Variants in ESYT2 observed in about 807,000 individuals in gnomAD.
ESYT2 encodes the protein extended synaptotagmin 2.
Under a neutral mutation model 107.2 loss-of-function variants are expected in ESYT2, and 54 were observed. The ratio of observed to expected loss-of-function variants is 0.50; its 90% CI spans 0.40 to 0.63. ESYT2 has a LOEUF of 0.63. Ranked by LOEUF, ESYT2 falls within the 30% of genes least tolerant of loss-of-function variation. The probability of loss-of-function intolerance (pLI) is 0.00; values close to 1 mark genes in which losing one functional copy is unlikely to be tolerated. For synonymous variants in ESYT2, 491 were observed against 434.1 expected (o/e 1.13, Z -1.63); for missense variants, 1,020 against 1,094.5 (o/e 0.93, Z 0.96).
intron 19 of ESYT2, 66 bp downstream of exon 19, chr7:158,738,957 A>C: frequency 6.8e-7 from 1 of 1,461,120 alleles, no homozygotes; most frequent in Non-Finnish European, 9.6e-7. Flanking sequence ...GGCGGTGTCT[A>C]CATCATCCTA....
At chr7:158,758,082 C>T (rs1313078058) in intron 13 of ESYT2, among the ~76,000 whole-genome samples, 1 of 8,554 alleles carries the variant, frequency 1.2e-4, no homozygotes, top group Non-Finnish European at 1.7e-4. Flanking sequence ...TGATCAAAGG[C>T]TAAGGTAAAT....
intron 13 of ESYT2, among the ~76,000 whole-genome samples, chr7:158,753,263 G>A (rs1837639736): frequency 6.6e-6 from 1 of 152,160 alleles, no homozygotes; most frequent in South Asian, 2.1e-4. Context: ...GTCCCTCTCA[G>A]GCCAGGTCAG....
At chr7:158,754,099 G>A (rs1837672891) in intron 13 of ESYT2, among the ~76,000 whole-genome samples, 1 of 152,192 alleles carries the variant, frequency 6.6e-6, no homozygotes, top group Admixed American at 6.5e-5. Flanking sequence ...AGTGCTTCAG[G>A]CAGGTGCCCC....
intron 1 of ESYT2, among the ~76,000 whole-genome samples, chr7:158,804,559 C>A (rs1304785992): frequency 6.9e-6 from 1 of 145,622 alleles, no homozygotes; most frequent in African/African-American, 2.6e-5. Context: ...AAGGGTGAGG[C>A]GTGTGATAAA....
intron 7 of ESYT2, among the ~76,000 whole-genome samples, chr7:158,768,259 C>T (rs542986772): frequency 9.9e-5 from 15 of 152,112 alleles, no homozygotes; most frequent in Non-Finnish European, 2.2e-4. Flanking sequence ...CTCATTTCTC[C>T]GTTGTTGTAC....
At chr7:158,826,815 G>A (rs1840462506) in intron 1 of ESYT2, among the ~76,000 whole-genome samples, 1 of 29,354 alleles carries the variant, frequency 3.4e-5, no homozygotes, top group African/African-American at 1.4e-4. Flanking sequence ...GCGAGATTCC[G>A]TCTCAAAAAA....
chr7:158,819,703 T>C (rs940146157), intron 1 of ESYT2, among the ~76,000 whole-genome samples: 33 of 152,244 alleles, frequency 2.2e-4, no homozygotes, highest in African/African-American at 8.0e-4. Context: ...TCAATGAGCA[T>C]ACTTTCTTCT....
chr7:158,757,065 T>C (rs1837783459), intron 13 of ESYT2, among the ~76,000 whole-genome samples: 2 of 152,152 alleles, frequency 1.3e-5, no homozygotes, highest in South Asian at 4.1e-4. Context: ...GAGAGGTTTT[T>C]TTCAACGAGC....
intron 20 of ESYT2, among the ~76,000 whole-genome samples, 171 bp from the exon 21 acceptor site, chr7:158,735,779 A>C (rs1294995191): frequency 6.6e-6 from 1 of 152,166 alleles, no homozygotes; most frequent in Non-Finnish European, 1.5e-5. Flanking sequence ...AAGACTCAAA[A>C]ACCAACATTT....
intron 6 of ESYT2, among the ~76,000 whole-genome samples, chr7:158,781,711 A>G (rs1173763516): frequency 6.6e-6 from 1 of 151,958 alleles, no homozygotes; most frequent in Non-Finnish European, 1.5e-5. Flanking sequence ...GTGGGAGTGT[A>G]AGAACGAGAA....
intron 6 of ESYT2, among the ~76,000 whole-genome samples, chr7:158,781,574 A>C (rs999842651): frequency 1.5e-4 from 22 of 150,428 alleles, no homozygotes; most frequent in African/African-American, 5.2e-4. Flanking sequence ...TGTGAGAACA[A>C]AGTGTGAGAG....
At chr7:158,819,156 A>G (rs2129474225) in intron 1 of ESYT2, among the ~76,000 whole-genome samples, 1 of 152,376 alleles carries the variant, frequency 6.6e-6, no homozygotes, top group East Asian at 1.9e-4. Flanking sequence ...TTTCTTCCAA[A>G]GGTTATTCAG....
intron 3 of ESYT2, among the ~76,000 whole-genome samples, chr7:158,794,323 A>C (rs1293448685): frequency 1.3e-5 from 2 of 152,134 alleles, no homozygotes; most frequent in Admixed American, 1.3e-4. Context: ...TTAAAACCCT[A>C]TCTCTACAAA....
At chr7:158,828,701 G>A (rs1840529088) in intron 1 of ESYT2, among the ~76,000 whole-genome samples, 1 of 152,226 alleles carries the variant, frequency 6.6e-6, no homozygotes, top group Admixed American at 6.5e-5. Flanking sequence ...CGGGAGCGGC[G>A]AGCAGCGGGC....
intron 7 of ESYT2, among the ~76,000 whole-genome samples, chr7:158,772,524 T>C (rs1399550517): frequency 2.0e-5 from 3 of 152,238 alleles, no homozygotes; most frequent in South Asian, 2.1e-4. Context: ...ACAGGTGATA[T>C]GTTTTAACTT....
At chr7:158,763,279 C>CTTATTTAT in intron 9 of ESYT2, 114 bp from the exon 10 acceptor site, 1 of 383,494 alleles carries the variant, frequency 2.6e-6, no homozygotes, top group Non-Finnish European at 3.8e-6. Context: ...GTGGTAAATC[C>CTTATTTAT]TTATTTATTT....
chr7:158,776,289 A>G (rs115968406), intron 6 of ESYT2, among the ~76,000 whole-genome samples: 1,902 of 152,332 alleles, frequency 0.012, 34 homozygotes, highest in African/African-American at 0.044. Context: ...AGCTGTGACA[A>G]GACAGTTAGC....
At chr7:158,736,230 C>T (rs913257155) in intron 20 of ESYT2, among the ~76,000 whole-genome samples, 4 of 152,040 alleles carry the variant, frequency 2.6e-5, no homozygotes, top group East Asian at 1.9e-4. Context: ...ACAACCTCAT[C>T]GGGCTGATGC....
chr7:158,805,201 T>C (rs537960003), intron 1 of ESYT2, among the ~76,000 whole-genome samples: 1 of 152,334 alleles, frequency 6.6e-6, no homozygotes, highest in South Asian at 2.1e-4. Context: ...GATCTTTGTA[T>C]AATCAAATGT....
Sources: gnomAD v4.1 joint callset for allele counts (sites outside exome capture counted in the v4.1 genomes callset) on GRCh38, gnomAD v4.1.1 for gene constraint, MANE v1.5 for transcripts, NCBI Gene and HGNC (gene_info 2026-07-23, HGNC 2026-07-21) for gene names.